Variants in ME1 observed in about 807,000 individuals in gnomAD.
ME1 encodes the protein malic enzyme 1.
In ME1, 74 loss-of-function variants were observed where a neutral mutation model predicts 66.4. That is an observed-to-expected ratio of 1.11 (90% CI 0.92 to 1.35). The LOEUF is 1.35. Among genes scored for constraint, ME1 ranks in the 40% most tolerant of loss-of-function variants. ME1 has a pLI of 0.00. For synonymous variants in ME1, 251 were observed against 235.6 expected (o/e 1.07, Z -0.60); for missense variants, 750 against 694.1 (o/e 1.08, Z -0.90).
intron 3 of ME1, among the ~76,000 whole-genome samples, chr6:83,388,476 A>G (rs1358729852): frequency 6.6e-6 from 1 of 152,172 alleles, no homozygotes; most frequent in Non-Finnish European, 1.5e-5. Context: ...GAAACCTGAG[A>G]GTTAAAATTA....
At chr6:83,246,789 G>C (rs1790632083) in intron 7 of ME1, among the ~76,000 whole-genome samples, 1 of 151,986 alleles carries the variant, frequency 6.6e-6, no homozygotes, top group South Asian at 2.1e-4. Context: ...ACACAAACTG[G>C]CTCCCCAAAA....
intron 6 of ME1, among the ~76,000 whole-genome samples, chr6:83,268,972 T>C (rs1327969592): frequency 2.6e-5 from 4 of 152,124 alleles, no homozygotes; most frequent in Non-Finnish European, 5.9e-5. Context: ...ATATTAGTTA[T>C]TGTTTGCTCA....
rs78464164 is a variant in ME1, at chr6:83,420,699, T to C, written c.78+10178A>G. Among the ~76,000 whole-genome samples, 893 of 152,286 alleles carry C rather than the reference T, an allele frequency of 5.9e-3. 8 individuals are homozygous for C. Among genetic ancestry groups the C allele is most frequent in the African/African-American group, 0.021 (854 of 41,572 alleles). On this transcript the variant is annotated intron_variant, in intron 1 of 13. Coordinates refer to ENST00000369705, the MANE Select transcript of ME1 (RefSeq NM_002395.6). ...ACTCCTGAGAGGTTATAGCAATATC[T>C]GCAAGGTAAAACAGTGTTACTTCAA...
At chr6:83,426,994 C>A (rs921228012) in intron 1 of ME1, among the ~76,000 whole-genome samples, 3 of 151,824 alleles carry the variant, frequency 2.0e-5, no homozygotes, top group African/African-American at 7.3e-5. Context: ...TTTTGAAGGG[C>A]AATTTATGAA....
chr6:83,277,128 C>T (rs1767197237), intron 6 of ME1, among the ~76,000 whole-genome samples: 1 of 152,170 alleles, frequency 6.6e-6, no homozygotes, highest in Admixed American at 6.5e-5. Flanking sequence ...GAAAAAACAG[C>T]AATAAACATT....
At chr6:83,426,749 G>C (rs1770380093) in intron 1 of ME1, among the ~76,000 whole-genome samples, 2 of 152,166 alleles carry the variant, frequency 1.3e-5, no homozygotes, top group African/African-American at 4.8e-5. Context: ...TCTTCTACTG[G>C]AACGTAACTC....
At chr6:83,240,967 C>A (rs1333870644) in intron 7 of ME1, among the ~76,000 whole-genome samples, 1 of 151,980 alleles carries the variant, frequency 6.6e-6, no homozygotes, top group Non-Finnish European at 1.5e-5. Context: ...GTCACTATTG[C>A]AATAATTATG....
At chr6:83,233,902 G>T (rs1191284154) in intron 9 of ME1, among the ~76,000 whole-genome samples, 2 of 151,870 alleles carry the variant, frequency 1.3e-5, no homozygotes, top group Admixed American at 6.6e-5. Context: ...TTAAAAGCAT[G>T]AAAGAAAAAG....
At chr6:83,409,003 C>A (rs960000097) in intron 1 of ME1, among the ~76,000 whole-genome samples, 3 of 152,152 alleles carry the variant, frequency 2.0e-5, no homozygotes, top group Non-Finnish European at 2.9e-5. Flanking sequence ...GTCATGAGAG[C>A]AGACCCCTCA....
At chr6:83,262,939 T>C (rs1217207610) in intron 6 of ME1, among the ~76,000 whole-genome samples, 2 of 152,232 alleles carry the variant, frequency 1.3e-5, no homozygotes, top group East Asian at 3.8e-4. Context: ...GTGCTTTGCT[T>C]TACTGCACTT....
At chr6:83,288,037 G>A (rs1767429348) in intron 6 of ME1, among the ~76,000 whole-genome samples, 1 of 151,962 alleles carries the variant, frequency 6.6e-6, no homozygotes. Context: ...TAAGTTCTTT[G>A]TAGATTCTGG....
At position 83,398,393 on chromosome 6, in the gene ME1, T is replaced by C. The variant is rs932698456; in HGVS notation, c.336A>G (p.Gln112=). ...YTPTVGLACQ[Q]YSLVFRKPRG... ...TTGGCTTCCGAAACACCAAACTATATTGTTGGCAAGCCAGACCCACAGTGG... is the reference window on the plus strand; with the variant it reads ...TTGGCTTCCGAAACACCAAACTATACTGTTGGCAAGCCAGACCCACAGTGG... The change falls in exon 3 of 14, where the codon CAA becomes CAG. Residue 112 remains glutamine, a synonymous_variant. Coordinates refer to ENST00000369705, the MANE Select transcript of ME1 (RefSeq NM_002395.6). 25 of 1,590,732 alleles carry C rather than the reference T, an allele frequency of 1.6e-5. No homozygotes were observed. The highest frequency in any genetic ancestry group is 7.2e-5 in the Admixed American group (4 of 55,558).
At chr6:83,394,319 G>C (rs995769176) in intron 3 of ME1, among the ~76,000 whole-genome samples, 3 of 151,948 alleles carry the variant, frequency 2.0e-5, no homozygotes, top group South Asian at 2.1e-4. Flanking sequence ...AATGTTTCTA[G>C]CATAAAGAAA....
intron 3 of ME1, among the ~76,000 whole-genome samples, chr6:83,363,491 A>G (rs1769044325): frequency 6.6e-6 from 1 of 152,226 alleles, no homozygotes; most frequent in African/African-American, 2.4e-5. Flanking sequence ...ATTAAGGTCA[A>G]TGAGAAACTA....
At chr6:83,344,603 G>C (rs1234895238) in intron 5 of ME1, among the ~76,000 whole-genome samples, 2 of 152,056 alleles carry the variant, frequency 1.3e-5, no homozygotes, top group Admixed American at 1.3e-4. Flanking sequence ...AAAAAAATAG[G>C]CCGGGTACGG....
intron 3 of ME1, among the ~76,000 whole-genome samples, chr6:83,361,971 T>C (rs1583401302): frequency 6.6e-6 from 1 of 152,242 alleles, no homozygotes; most frequent in Non-Finnish European, 1.5e-5. Flanking sequence ...GATGGCCTCA[T>C]GAGGAGTTCC....
chr6:83,216,315 T>C (rs1196849274), intron 13 of ME1, among the ~76,000 whole-genome samples, 183 bp downstream of exon 13: 1 of 152,198 alleles, frequency 6.6e-6, no homozygotes, highest in Non-Finnish European at 1.5e-5. Context: ...CTTCCATTCT[T>C]CTCTGAGAAG....
chr6:83,281,806 C>CAAAAAAAAAAA (rs140157932), intron 6 of ME1, among the ~76,000 whole-genome samples: 8 of 13,288 alleles, frequency 6.0e-4, no homozygotes, highest in African/African-American at 9.8e-4. Context: ...ACTCTGTCTC[C>CAAAAAAAAAAA]AAAAAAAAAA....
Position 83,398,411 on chromosome 6 carries a change from C to T in ME1, c.318G>A (p.Val106=), listed in dbSNP as rs1160543715. ...AACTATATTGTTGGCAAGCCAGACC[C>T]ACAGTGGGAGTATAAACAATAGGCA... ...KFMPIVYTPT[V]GLACQQYSLV... The change falls in exon 3 of 14, where the codon GTG becomes GTA. Residue 106 remains valine (V), a synonymous_variant. Transcript: ENST00000369705. The T allele has an allele frequency of 6.2e-7, 1 of 1,600,558 alleles. No individual in the cohort carries two copies. Among genetic ancestry groups the T allele is most frequent in the African/African-American group, 1.3e-5 (1 of 74,312 alleles).
Sources: gnomAD v4.1 joint callset for allele counts (sites outside exome capture counted in the v4.1 genomes callset) on GRCh38, gnomAD v4.1.1 for gene constraint, MANE v1.5 for transcripts, NCBI Gene and HGNC (gene_info 2026-07-23, HGNC 2026-07-21) for gene names.